Variants in PUM1 observed in about 807,000 individuals in gnomAD.
PUM1 encodes the protein pumilio RNA binding family member 1, also known as pumilio homolog 1.
PUM1 carries 13 observed loss-of-function variants against 131.8 expected under a neutral mutation model. The ratio of observed to expected loss-of-function variants is 0.10; its 90% CI spans 0.06 to 0.16. The LOEUF is 0.16. Ranked by LOEUF, PUM1 falls within the 10% of genes least tolerant of loss-of-function variation. The pLI, the probability that PUM1 is intolerant of heterozygous loss-of-function variation, is 1.00. For synonymous variants in PUM1, 509 were observed against 556.5 expected (o/e 0.91, Z 1.20); for missense variants, 961 against 1,512.4 (o/e 0.64, Z 6.05).
intron 1 of PUM1, among the ~76,000 whole-genome samples, chr1:31,063,562 A>C (rs1414176893): frequency 2.0e-5 from 3 of 152,186 alleles, no homozygotes; most frequent in Non-Finnish European, 4.4e-5. Context: ...TGGCTTCACC[A>C]CTACGCAATA....
intron 16 of PUM1, among the ~76,000 whole-genome samples, chr1:30,951,386 C>T (rs1204846862): frequency 6.6e-6 from 1 of 152,168 alleles, no homozygotes; most frequent in Admixed American, 6.5e-5. Context: ...CATAAGTCTT[C>T]ATGAAAAAAC....
chr1:31,038,715 C>A (rs1392984343), intron 2 of PUM1, among the ~76,000 whole-genome samples: 1 of 151,820 alleles, frequency 6.6e-6, no homozygotes, highest in Non-Finnish European at 1.5e-5. Context: ...CTTTATTTGA[C>A]TTTTCTGGAC....
intron 10 of PUM1, among the ~76,000 whole-genome samples, chr1:30,969,341 A>G (rs1640777692): frequency 6.6e-6 from 1 of 151,378 alleles, no homozygotes. Flanking sequence ...AAAAAAGAAA[A>G]AAAAAGAGTA....
At chr1:30,947,719 T>G (rs1472537698) in intron 17 of PUM1, among the ~76,000 whole-genome samples, 1 of 152,186 alleles carries the variant, frequency 6.6e-6, no homozygotes, top group African/African-American at 2.4e-5. Context: ...AAAATAGTGA[T>G]GTTAATGAAT....
Position 30,999,143 on chromosome 1 carries a change from G to A in PUM1, c.721-3923C>T, listed in dbSNP as rs1410155099. Among the ~76,000 whole-genome samples the A allele has an allele frequency of 2.6e-5, 4 of 152,220 alleles. No individual in the cohort carries two copies. In the East Asian group the frequency reaches 7.7e-4, roughly 29 times the overall value. On this transcript the variant is annotated intron_variant, in intron 5 of 21. Transcript: ENST00000426105. ...AGCCTCCCAAGGAGCTATGACTACAGATGCACACACCATGCCTGGCTGATT... is the reference window on the plus strand; with the variant it reads ...AGCCTCCCAAGGAGCTATGACTACAAATGCACACACCATGCCTGGCTGATT...
At chr1:30,993,476 ATAT>A (rs1419098245) in intron 6 of PUM1, among the ~76,000 whole-genome samples, 2 of 152,170 alleles carry the variant, frequency 1.3e-5, no homozygotes, top group East Asian at 3.8e-4. Context: ...CTAATATATA[ATAT>A]TATATAAACA....
chr1:31,005,800 AG>A, intron 5 of PUM1, 52 bp downstream of exon 5: 1 of 835,218 alleles, frequency 1.2e-6, no homozygotes, highest in Non-Finnish European at 1.5e-6. Flanking sequence ...AAAGAGAGAG[AG>A]AGAGAGAGAG....
chr1:30,941,203 C>A lies in PUM1; in HGVS notation c.3190G>T (p.Val1064Leu). Residue 1064 changes from valine (V) to leucine (L), a missense_variant, in exon 20 of 22, where the codon GTA becomes TTA. By Grantham distance (32) the Val-to-Leu change is conservative. Around this residue, in one of 4 missense-constraint regions of PUM1, gnomAD observed 178 missense variants for 327.5 expected, o/e 0.54. Transcript: ENST00000426105. ...HGRPEDKSKI[V>L]AEIRGNVLVL... ...AGTACATTGCCTCGGATTTCTGCTA[C>A]AATTTTGCTTTTATCCTCAGGACGA... The A allele has an allele frequency of 6.2e-7, 1 of 1,613,714 alleles. No homozygotes were observed. The highest frequency in any genetic ancestry group is 8.5e-7 in the Non-Finnish European group (1 of 1,179,724).
intron 2 of PUM1, among the ~76,000 whole-genome samples, chr1:31,047,962 C>T (rs917267231): frequency 4.7e-5 from 7 of 149,222 alleles, no homozygotes; most frequent in East Asian, 4.0e-4. Flanking sequence ...TTTAAAAGGC[C>T]GGACACAGTG....
chr1:30,997,211 T>C (rs1642010298), intron 5 of PUM1, among the ~76,000 whole-genome samples: 1 of 152,098 alleles, frequency 6.6e-6, no homozygotes, highest in Non-Finnish European at 1.5e-5. Context: ...AAAAGGTCTG[T>C]AGGCAAAAAT....
chr1:30,992,524 A>C lies in PUM1; in HGVS notation c.1024T>G (p.Ser342Ala). 6.2e-7 allele frequency: 1 copy of C among 1,614,082 alleles called. No individual in the cohort carries two copies. The highest frequency in any genetic ancestry group is 1.1e-5 in the South Asian group (1 of 91,090). The change falls in exon 7 of 22, where the codon TCC becomes GCC. Residue 342 changes from serine to alanine, a missense_variant. Ser to Ala is a moderately conservative substitution (Grantham distance 99, BLOSUM62 1). Transcript: ENST00000426105. ...ATGGGGTCCAAGGGGACACTCTGGG[A>C]CTCCATGTTGGAGAAATCCTCCACA... The part of the protein sequence containing the change: ...KPVEDFSNME[S>A]QSVPLDPMEH...
chr1:31,045,279 G>A (rs1464057892), intron 2 of PUM1, among the ~76,000 whole-genome samples: 1 of 151,704 alleles, frequency 6.6e-6, no homozygotes, highest in Non-Finnish European at 1.5e-5. Context: ...GATTACAAGC[G>A]CCCACCCCCA....
intron 3 of PUM1, among the ~76,000 whole-genome samples, chr1:31,014,562 C>A (rs1026972477): frequency 3.3e-5 from 5 of 150,910 alleles, no homozygotes; most frequent in Non-Finnish European, 7.4e-5. Context: ...CTGAGGCGGG[C>A]GGATTGCTTG....
chr1:30,963,843 A>T (rs554981401), intron 14 of PUM1, among the ~76,000 whole-genome samples: 1 of 152,222 alleles, frequency 6.6e-6, no homozygotes. Context: ...TGCATGATAC[A>T]TTATATGGTG....
At chr1:31,044,940 C>G (rs1405254600) in intron 2 of PUM1, among the ~76,000 whole-genome samples, 1 of 151,998 alleles carries the variant, frequency 6.6e-6, no homozygotes, top group Non-Finnish European at 1.5e-5. Context: ...CTCCTGAGTA[C>G]CTGGGATTAA....
chr1:30,998,642 G>A (rs79238391), intron 5 of PUM1, among the ~76,000 whole-genome samples: 3 of 152,088 alleles, frequency 2.0e-5, no homozygotes, highest in African/African-American at 7.2e-5. Flanking sequence ...TAAAGGATAC[G>A]AAAAGAAAAG....
intron 2 of PUM1, among the ~76,000 whole-genome samples, chr1:31,043,680 C>T (rs1324886515): frequency 6.6e-6 from 1 of 152,104 alleles, no homozygotes; most frequent in African/African-American, 2.4e-5. Flanking sequence ...ACGGAGCTCA[C>T]TGAAAACACC....
chr1:31,019,331 A>T (rs1642936741), intron 3 of PUM1, among the ~76,000 whole-genome samples: 1 of 152,230 alleles, frequency 6.6e-6, no homozygotes, highest in Admixed American at 6.5e-5. Flanking sequence ...CAGCCTGGGC[A>T]ACAGGGCAAG....
In PUM1 at chr1:30,950,091, T is replaced by C. The variant is rs929583069; in HGVS notation, c.2856+36A>G. ...TCACTACATGTACCATGGAGAAACA[T>C]CAAACACCAAGAGAAAAGTTAAAGG... On this transcript the variant is annotated intron_variant, in intron 17 of 21. Transcript: ENST00000426105. 7 of 1,599,110 alleles carry C rather than the reference T, an allele frequency of 4.4e-6. No individual in the cohort carries two copies. The African/African-American group carries it at 6.7e-5, about 15-fold the overall frequency.
Sources: gnomAD v4.1 joint callset for allele counts (sites outside exome capture counted in the v4.1 genomes callset) on GRCh38, gnomAD v4.1.1 for gene constraint, gnomAD v4.1.1 regional missense constraint, MANE v1.5 for transcripts, NCBI Gene and HGNC (gene_info 2026-07-23, HGNC 2026-07-21) for gene names.